The following ANK2 variants were observed in gnomAD, a reference collection of about 807,000 sequenced individuals.
ANK2 encodes the protein ankyrin-2.
A neutral mutation model predicts 360.5 loss-of-function variants in ANK2; 83 were observed. The observed-to-expected ratio is 0.23, with a 90% CI of 0.19 to 0.28. The LOEUF is 0.28. Among genes scored for constraint, ANK2 ranks in the 10% least tolerant of loss-of-function variants. The pLI is 1.00. For synonymous variants in ANK2, 1,740 were observed against 1,759.5 expected (o/e 0.99, Z 0.28); for missense variants, 4,201 against 4,795.7 (o/e 0.88, Z 3.66).
At chr4:113,165,078 A>G (rs182102802) in intron 1 of ANK2, among the ~76,000 whole-genome samples, 34 of 152,282 alleles carry the variant, frequency 2.2e-4, no homozygotes, top group Middle Eastern at 6.8e-3. Context: ...ACAATATGTA[A>G]AAACTCTGTC....
intron 1 of ANK2, among the ~76,000 whole-genome samples, chr4:113,063,554 G>A (rs2074407362): frequency 6.6e-6 from 1 of 152,008 alleles, no homozygotes; most frequent in Non-Finnish European, 1.5e-5. Flanking sequence ...GACCAAATAA[G>A]CTTATAAATA....
chr4:113,330,288 G>A lies in ANK2; in HGVS notation c.2943G>A (p.Met981Ile), dbSNP rs777186623. The A allele has an allele frequency of 6.2e-7, 1 of 1,614,206 alleles. No individual in the cohort carries two copies. Among genetic ancestry groups the A allele is most frequent in the East Asian group, 2.2e-5 (1 of 44,884 alleles). The change falls in exon 27 of 46, where the codon ATG becomes ATA. Residue 981 changes from methionine to isoleucine, a missense_variant. Physicochemically the swap from Met to Ile is conservative, Grantham distance 10 (BLOSUM62 1). Coordinates refer to ENST00000357077, the MANE Select transcript of ANK2 (RefSeq NM_001148.6). ...SFMVDARGGA[M>I]RGCRHNGLRI... The stretch of plus-strand genomic sequence containing the variant: ...TGGTGGATGCCCGAGGTGGTGCTAT[G>A]CGAGGATGCAGACACAATGGGCTCC...
At chr4:113,061,370 T>C (rs2154334493) in intron 1 of ANK2, among the ~76,000 whole-genome samples, 1 of 152,266 alleles carries the variant, frequency 6.6e-6, no homozygotes, top group South Asian at 2.1e-4. Context: ...CCTCCCCTGA[T>C]TGCTTTTTCC....
intron 1 of ANK2, among the ~76,000 whole-genome samples, chr4:113,169,686 A>G (rs564521639): frequency 6.6e-6 from 1 of 152,294 alleles, no homozygotes; most frequent in African/African-American, 2.4e-5. Flanking sequence ...TCAAACTTGA[A>G]TAGTCTATTG....
At chr4:112,800,934 C>G in the ANK2 span, among the ~76,000 whole-genome samples, 3 of 152,264 alleles carry the variant, frequency 2.0e-5, no homozygotes, top group South Asian at 6.2e-4. Context: ...GGATCACAGA[C>G]AGGAGCCACT....
At position 113,336,686 on chromosome 4, in the gene ANK2, C is replaced by G. The variant is rs777976430; in HGVS notation, c.3701C>G (p.Thr1234Ser). 19 of 1,614,000 alleles carry G rather than the reference C, an allele frequency of 1.2e-5. No individual in the cohort carries two copies. Among genetic ancestry groups the G allele is most frequent in the South Asian group, 4.4e-5 (4 of 91,088 alleles). ...AGAAGAAAATTCCACAAACCAATTA[C>G]CATGACCATTCCTGTCCCCAAAGCT... ...PRRRKFHKPI[T>S]MTIPVPKASS... The change falls in exon 31 of 46, where the codon ACC (threonine) becomes AGC (serine). Residue 1234 changes from threonine to serine, a missense_variant. Around this residue, in one of 4 missense-constraint regions of ANK2, gnomAD observed 1,268 missense variants for 1,650.8 expected, o/e 0.77. Transcript: ENST00000357077.
chr4:113,282,760 A>G lies in ANK2; in HGVS notation c.1967A>G (p.Asn656Ser). 1 of 1,613,970 alleles carries G rather than the reference A, an allele frequency of 6.2e-7. No homozygotes were observed. The highest frequency in any genetic ancestry group is 8.5e-7 in the Non-Finnish European group (1 of 1,179,930). Residue 656 changes from asparagine to serine, a missense_variant, in exon 18 of 46, where the codon AAC becomes AGC. Physicochemically the swap from Asn to Ser is conservative, Grantham distance 46. Around this residue, in one of 4 missense-constraint regions of ANK2, gnomAD observed 1,268 missense variants for 1,650.8 expected, o/e 0.77. Coordinates refer to ENST00000357077, the MANE Select transcript of ANK2 (RefSeq NM_001148.6). ...CTCCTGAACTATGGAGCAGAGACAA[A>G]CATTGTGACAAAGCAAGGAGTAACT... ...STLLNYGAETNIVTKQGVTPL... is the reference protein window; with the variant it reads ...STLLNYGAETSIVTKQGVTPL...
At chr4:113,293,396 CCTCT>C in intron 21 of ANK2, 40 bp from the exon 22 acceptor site, 1 of 1,551,650 alleles carries the variant, frequency 6.4e-7, no homozygotes, top group South Asian at 1.1e-5. Context: ...ACATCGCAGT[CCTCT>C]CTCTTATTTC....
At chr4:113,265,438 TTA>T (rs2055415855) in intron 14 of ANK2, among the ~76,000 whole-genome samples, 1 of 152,156 alleles carries the variant, frequency 6.6e-6, no homozygotes, top group Admixed American at 6.5e-5. Context: ...TCTCCAAGTT[TTA>T]GTGTTTTTCC....
In ANK2 at chr4:112,989,719, G is replaced by T. The variant is rs115847247; in HGVS notation, c.21+85205G>T. On this transcript the variant is annotated intron_variant, in intron 2 of 30. Coordinates refer to the ANK2 transcript ENST00000503271. ...TTAAAAGAGAATGGCAGGAAGTCAG[G>T]GAACTGAAGGTTTAGTAGTAATAAA... Among the ~76,000 whole-genome samples the T allele has an allele frequency of 8.4e-3, 1,281 of 152,212 alleles. 21 individuals carry two copies. Among genetic ancestry groups the T allele is most frequent in the African/African-American group, 0.029 (1,224 of 41,536 alleles).
At chr4:112,868,113 T>C (rs1400792148) in intron 1 of ANK2, among the ~76,000 whole-genome samples, 1 of 152,254 alleles carries the variant, frequency 6.6e-6, no homozygotes, top group Non-Finnish European at 1.5e-5. Context: ...TGTGAAGTGA[T>C]ATATCATTAT....
chr4:113,326,581 T>G (rs1470701250), intron 26 of ANK2, among the ~76,000 whole-genome samples: 2 of 146,614 alleles, frequency 1.4e-5, no homozygotes, highest in Non-Finnish European at 2.9e-5. Context: ...TCTTTCTGTT[T>G]TACTTTCTTC....
the ANK2 span, among the ~76,000 whole-genome samples, chr4:112,751,403 A>G: frequency 2.0e-5 from 3 of 152,242 alleles, no homozygotes; most frequent in Non-Finnish European, 2.9e-5. Flanking sequence ...TAGCTAAAGG[A>G]CTAGGCAAAT....
chr4:113,079,897 ATTTT>A (rs138918846), intron 1 of ANK2, among the ~76,000 whole-genome samples: 8 of 144,442 alleles, frequency 5.5e-5, no homozygotes, highest in Non-Finnish European at 6.0e-5. Context: ...CACCCTGAGA[ATTTT>A]TTTTTTTTTT....
At position 113,341,785 on chromosome 4, in the gene ANK2, G is replaced by A. The variant is rs1163149906; in HGVS notation, c.3991G>A (p.Val1331Ile). ...IICVPYMAKF[V>I]VFAKSHDPIE... Reference sequence around the variant, plus strand: ...CTGCGTACCTTATATGGCCAAATTTGTAGTGTTTGCCAAATCACATGACCC... The same window carrying A: ...CTGCGTACCTTATATGGCCAAATTTATAGTGTTTGCCAAATCACATGACCC... Residue 1331 changes from valine to isoleucine, a missense_variant, in exon 33 of 46, where the codon GTA becomes ATA. By Grantham distance (29) the Val-to-Ile change is conservative. Transcript: ENST00000357077. 6.8e-6 allele frequency: 11 copies of A among 1,613,998 alleles called. No homozygotes were observed. The South Asian group carries it at 7.7e-5, about 11-fold the overall frequency.
chr4:113,321,961 AC>A (rs2086538967), intron 26 of ANK2, among the ~76,000 whole-genome samples: 1 of 152,266 alleles, frequency 6.6e-6, no homozygotes, highest in East Asian at 1.9e-4. Flanking sequence ...GGAATACCTG[AC>A]CTCAGGTGAT....
chr4:113,053,319 T>C (rs1190162717), intron 1 of ANK2, among the ~76,000 whole-genome samples: 1 of 152,160 alleles, frequency 6.6e-6, no homozygotes. Context: ...AGAAAATAAA[T>C]TGTAGGTAGT....
At chr4:113,049,156 G>A (rs1222086423), upstream of ANK2, among the ~76,000 whole-genome samples, 1 of 152,170 alleles carries the variant, frequency 6.6e-6, no homozygotes, top group African/African-American at 2.4e-5. Flanking sequence ...TCATCCTTGA[G>A]TGTAGTTTCA....
intron 2 of ANK2, among the ~76,000 whole-genome samples, chr4:112,967,877 G>A (rs2037938810): frequency 6.6e-6 from 1 of 152,258 alleles, no homozygotes; most frequent in African/African-American, 2.4e-5. Context: ...AAAAGCCTGT[G>A]AATATATCAA....
Sources: gnomAD v4.1 joint callset for allele counts (sites outside exome capture counted in the v4.1 genomes callset) on GRCh38, gnomAD v4.1.1 for gene constraint, gnomAD v4.1.1 regional missense constraint, MANE v1.5 for transcripts, NCBI Gene and HGNC (gene_info 2026-07-23, HGNC 2026-07-21) for gene names.